Variants in MMP16 observed in about 807,000 individuals in gnomAD.
MMP16 encodes matrix metallopeptidase 16.
A neutral mutation model predicts 67.8 loss-of-function variants in MMP16; 12 were observed. That is an observed-to-expected ratio of 0.18 (90% CI 0.11 to 0.29). The LOEUF is 0.29. Among genes scored for constraint, MMP16 ranks in the 10% least tolerant of loss-of-function variants. The pLI, the probability that MMP16 is intolerant of heterozygous loss-of-function variation, is 1.00. For synonymous variants in MMP16, 249 were observed against 255.9 expected, an observed-to-expected ratio of 0.97 and a Z score of 0.26; for missense variants, 475 against 765.7, an observed-to-expected ratio of 0.62 and a Z score of 4.48.
Position 88,087,507 on chromosome 8 carries a change from G to GT in MMP16, c.1084-12765dup, listed in dbSNP as rs575836618. On this transcript the variant is annotated intron_variant, in intron 6 of 9. Coordinates refer to ENST00000286614, the MANE Select transcript of MMP16 (RefSeq NM_005941.5). The stretch of plus-strand genomic sequence containing the variant: ...GATATGACATAGGAAGAGGGAAAGG[G>GT]TTGAGCTAGAGCTAGGGAGTATATT... Among the ~76,000 whole-genome samples, 9 of 152,032 alleles carry GT rather than the reference G, an allele frequency of 5.9e-5. No individual in the cohort carries two copies. In the South Asian group the frequency reaches 1.9e-3, roughly 32 times the overall value.
intron 4 of MMP16, among the ~76,000 whole-genome samples, chr8:88,144,976 C>T (rs562222778): frequency 1.1e-4 from 17 of 152,100 alleles, no homozygotes; most frequent in African/African-American, 1.7e-4. Context: ...TTGCTTCTTA[C>T]GTATGCTTAT....
At chr8:88,294,445 T>C (rs1401492475) in intron 1 of MMP16, among the ~76,000 whole-genome samples, 1 of 151,534 alleles carries the variant, frequency 6.6e-6, no homozygotes, top group Non-Finnish European at 1.5e-5. Context: ...TATGTCTATA[T>C]ACACACATAT....
chr8:88,120,558 T>C (rs1807808096), intron 4 of MMP16, among the ~76,000 whole-genome samples: 1 of 151,568 alleles, frequency 6.6e-6, no homozygotes, highest in African/African-American at 2.4e-5. Flanking sequence ...ATGGGCTAAG[T>C]GAAAGGATAT....
chr8:88,108,702 G>A (rs529629956), intron 6 of MMP16, among the ~76,000 whole-genome samples: 239 of 151,380 alleles, frequency 1.6e-3, no homozygotes, highest in Non-Finnish European at 3.0e-3. Context: ...CCTTTTACAT[G>A]TAAGTTAGAA....
rs1808024285 is a variant in MMP16, at chr8:88,131,261, A to C, written c.710-12400T>G. ...CCCTATGCTGAGTATGACTATCTAT[A>C]GTATTATACACACACACACACACAC... On this transcript the variant is annotated intron_variant, in intron 4 of 9. Transcript: ENST00000286614. 2.3e-5 allele frequency among the ~76,000 whole-genome samples: 3 copies of C among 131,564 alleles called. No individual in the cohort carries two copies. The Admixed American group carries it at 2.3e-4, about 10-fold the overall frequency. 86.3% of individuals were successfully genotyped at this position (131,564 alleles called of 152,430 possible).
chr8:88,285,187 T>C (rs1022213144), intron 1 of MMP16, among the ~76,000 whole-genome samples: 2 of 152,160 alleles, frequency 1.3e-5, no homozygotes, highest in Admixed American at 6.5e-5. Context: ...TCACCCAAGC[T>C]GGACTACAAT....
At chr8:88,075,004 G>C (rs1404233640) in intron 6 of MMP16, among the ~76,000 whole-genome samples, 1 of 151,920 alleles carries the variant, frequency 6.6e-6, no homozygotes, top group Non-Finnish European at 1.5e-5. Context: ...TTTTCTCTAG[G>C]GCTTTCTAGA....
chr8:88,099,956 A>G (rs2118373786), intron 6 of MMP16, among the ~76,000 whole-genome samples: 1 of 152,012 alleles, frequency 6.6e-6, no homozygotes, highest in East Asian at 2.0e-4. Flanking sequence ...GTACTGAGGC[A>G]GCTACAAAGA....
chr8:88,182,498 CA>C (rs1308238581), intron 3 of MMP16, among the ~76,000 whole-genome samples: 14 of 152,032 alleles, frequency 9.2e-5, no homozygotes, highest in Admixed American at 8.5e-4. Context: ...TATTTTATCT[CA>C]AAAAATATCA....
intron 1 of MMP16, among the ~76,000 whole-genome samples, chr8:88,295,743 T>C (rs142935091): frequency 2.6e-5 from 4 of 152,258 alleles, no homozygotes; most frequent in Non-Finnish European, 5.9e-5. Flanking sequence ...CTAAAACACA[T>C]GTTGTTTAAA....
chr8:88,070,167 C>T (rs889047332), intron 7 of MMP16, among the ~76,000 whole-genome samples: 2 of 151,996 alleles, frequency 1.3e-5, no homozygotes, highest in African/African-American at 4.8e-5. Context: ...TTGTCTTGTT[C>T]CTGATCTTTT....
At chr8:88,092,647 C>CA (rs1329260047) in intron 6 of MMP16, among the ~76,000 whole-genome samples, 1 of 151,582 alleles carries the variant, frequency 6.6e-6, no homozygotes, top group African/African-American at 2.4e-5. Context: ...ATAAATAAAT[C>CA]AAAAAATGCA....
chr8:88,116,760 G>A (rs766032907), intron 5 of MMP16, 42 bp from the exon 6 acceptor site: 10 of 1,546,608 alleles, frequency 6.5e-6, no homozygotes, highest in Admixed American at 3.4e-5. Flanking sequence ...ACTTAAAACT[G>A]GAATAGAGCT....
chr8:88,168,730 T>C (rs866638969), intron 3 of MMP16, among the ~76,000 whole-genome samples: 1 of 152,176 alleles, frequency 6.6e-6, no homozygotes, highest in Non-Finnish European at 1.5e-5. Flanking sequence ...AACTAGTATT[T>C]GTATTTTTTT....
chr8:88,093,073 GA>G (rs1351397986), intron 6 of MMP16, among the ~76,000 whole-genome samples: 1 of 151,616 alleles, frequency 6.6e-6, no homozygotes, highest in Non-Finnish European at 1.5e-5. Context: ...TATTGTTTAA[GA>G]AAAAAAGGAT....
At chr8:88,323,913 C>T (rs1410633860) in intron 1 of MMP16, among the ~76,000 whole-genome samples, 2 of 152,042 alleles carry the variant, frequency 1.3e-5, no homozygotes, top group Admixed American at 1.3e-4. Flanking sequence ...GACCAATGAA[C>T]ACCTCTGATT....
intron 6 of MMP16, among the ~76,000 whole-genome samples, chr8:88,107,455 C>A (rs10090371): frequency 0.19 from 28,112 of 150,726 alleles, 2,696 homozygotes; most frequent in Middle Eastern, 0.24. Context: ...TTCATTACTT[C>A]TCTATTTTTA....
intron 2 of MMP16, among the ~76,000 whole-genome samples, chr8:88,194,843 T>C (rs973041880): frequency 6.6e-6 from 1 of 151,942 alleles, no homozygotes; most frequent in Non-Finnish European, 1.5e-5. Flanking sequence ...ATGGCTTTGT[T>C]CAAATAAAAA....
At chr8:88,145,284 G>A (rs1196146091) in intron 4 of MMP16, among the ~76,000 whole-genome samples, 2 of 151,628 alleles carry the variant, frequency 1.3e-5, no homozygotes, top group Non-Finnish European at 2.9e-5. Context: ...GAAAACTGTA[G>A]GTAACTGTAA....
Sources: allele counts gnomAD v4.1 joint callset (sites outside exome capture counted in the v4.1 genomes callset), GRCh38; gene constraint gnomAD v4.1.1; transcripts MANE v1.5; gene names NCBI Gene and HGNC (gene_info 2026-07-23, HGNC 2026-07-21).